CTNNA3: variants seen among roughly 807,000 people sequenced by gnomAD.
CTNNA3 encodes the protein catenin alpha 3, also known as catenin alpha-3.
A neutral mutation model predicts 95.7 loss-of-function variants in CTNNA3; 76 were observed. The observed-to-expected ratio is 0.79, with a 90% confidence interval of 0.66 to 0.96. The LOEUF (loss-of-function observed/expected upper bound fraction) is 0.96, where lower values mean the gene tolerates loss of function less well. Among genes scored for constraint, CTNNA3 ranks in the 40% least tolerant of loss-of-function variants. CTNNA3 has a pLI of 0.00. For missense variants in CTNNA3, 1,191 were observed against 1,089.8 expected, an observed-to-expected ratio of 1.09 and a Z score of -1.31; for synonymous variants, 431 against 374.4, an observed-to-expected ratio of 1.15 and a Z score of -1.74.
chr10:65,929,499 A>T (rs2077217542), intron 17 of CTNNA3, among the ~76,000 whole-genome samples: 1 of 152,108 alleles, frequency 6.6e-6, no homozygotes, highest in Non-Finnish European at 1.5e-5. Flanking sequence ...ATTTAATGTG[A>T]TAACAGCTAA....
intron 4 of CTNNA3, among the ~76,000 whole-genome samples, chr10:67,530,927 C>T (rs948421878): frequency 9.9e-5 from 15 of 152,192 alleles, no homozygotes; most frequent in Admixed American, 9.2e-4. Context: ...GGGCCAATGT[C>T]GAGCTTGGGC....
At chr10:67,193,357 C>G (rs1308269599) in intron 6 of CTNNA3, among the ~76,000 whole-genome samples, 2 of 151,852 alleles carry the variant, frequency 1.3e-5, no homozygotes, top group Non-Finnish European at 2.9e-5. Flanking sequence ...CATAATTTTC[C>G]TAAACCTTTT....
At chr10:67,701,187 T>G, upstream of CTNNA3, among the ~76,000 whole-genome samples, 1 of 152,306 alleles carries the variant, frequency 6.6e-6, no homozygotes, top group South Asian at 2.1e-4. Flanking sequence ...TGGAACCAAG[T>G]TGGAAAACAC....
intron 7 of CTNNA3, among the ~76,000 whole-genome samples, chr10:67,084,417 T>C (rs1857199431): frequency 6.6e-6 from 1 of 152,028 alleles, no homozygotes; most frequent in Non-Finnish European, 1.5e-5. Flanking sequence ...GAATACATTT[T>C]AAAGCTAAAT....
intron 12 of CTNNA3, among the ~76,000 whole-genome samples, chr10:66,374,931 A>T (rs189192008): frequency 1.3e-5 from 2 of 152,152 alleles, no homozygotes. Flanking sequence ...AGCCATTTTT[A>T]TGACAGTATA....
chr10:67,061,067 A>T (rs1240752752), intron 7 of CTNNA3, among the ~76,000 whole-genome samples: 3 of 152,148 alleles, frequency 2.0e-5, no homozygotes, highest in African/African-American at 7.2e-5. Context: ...ATAAAAATTC[A>T]TTAATTCTAT....
chr10:66,432,339 T>C (rs528224126), intron 11 of CTNNA3, among the ~76,000 whole-genome samples: 12 of 150,786 alleles, frequency 8.0e-5, no homozygotes, highest in African/African-American at 3.0e-4. Flanking sequence ...GCGATACGCA[T>C]TTTTTAAAAT....
chr10:67,261,087 G>A (rs1377933015), intron 5 of CTNNA3, among the ~76,000 whole-genome samples: 1 of 152,178 alleles, frequency 6.6e-6, no homozygotes, highest in Non-Finnish European at 1.5e-5. Flanking sequence ...CTGTCTATAA[G>A]TCATCTTGGG....
upstream of CTNNA3, among the ~76,000 whole-genome samples, chr10:67,700,099 T>C (rs1397727328): frequency 6.6e-6 from 1 of 152,190 alleles, no homozygotes; most frequent in Non-Finnish European, 1.5e-5. Context: ...CCAGGCTTGC[T>C]TAGGTAAACA....
chr10:66,836,507 A>G (rs1842892412), intron 7 of CTNNA3, among the ~76,000 whole-genome samples: 1 of 152,134 alleles, frequency 6.6e-6, no homozygotes, highest in Non-Finnish European at 1.5e-5. Context: ...TCGGCAGCAG[A>G]CTGTCCACTA....
intron 5 of CTNNA3, among the ~76,000 whole-genome samples, chr10:67,415,039 C>A (rs1468917755): frequency 6.6e-6 from 1 of 152,178 alleles, no homozygotes; most frequent in Admixed American, 6.5e-5. Context: ...GGCAAACCCA[C>A]AGCCAACATC....
chr10:66,926,285 C>G, intron 7 of CTNNA3: 1 of 508,058 alleles, frequency 2.0e-6, no homozygotes, highest in Admixed American at 3.2e-5. Flanking sequence ...CGCCCCCTCC[C>G]CACCCCCCAA....
chr10:65,982,300 C>T (rs1379712766), intron 16 of CTNNA3, among the ~76,000 whole-genome samples: 1 of 150,958 alleles, frequency 6.6e-6, no homozygotes, highest in Admixed American at 6.6e-5. Context: ...CAACGAGATA[C>T]CACCTTACTC....
intron 11 of CTNNA3, among the ~76,000 whole-genome samples, chr10:66,499,675 C>T (rs144815255): frequency 1.3e-5 from 2 of 152,184 alleles, no homozygotes; most frequent in African/African-American, 4.8e-5. Context: ...AAGGAATTCT[C>T]TGTGACAGTT....
At chr10:66,134,854 A>AAGC (rs2083276327) in intron 13 of CTNNA3, among the ~76,000 whole-genome samples, 1 of 45,742 alleles carries the variant, frequency 2.2e-5, no homozygotes, top group Non-Finnish European at 4.1e-5. Flanking sequence ...TAACAGAGAA[A>AAGC]AACAAAGATT....
intron 5 of CTNNA3, among the ~76,000 whole-genome samples, chr10:67,436,401 C>CA (rs1006293034): frequency 6.6e-5 from 10 of 152,218 alleles, no homozygotes; most frequent in African/African-American, 2.2e-4. Context: ...CCCTTCTAGA[C>CA]ATTGGCTTAG....
chr10:66,592,395 A>G (rs1463648167), intron 10 of CTNNA3, among the ~76,000 whole-genome samples: 1 of 152,152 alleles, frequency 6.6e-6, no homozygotes, highest in Admixed American at 6.5e-5. Context: ...GATAAAATTT[A>G]CCTACTTACC....
At chr10:66,991,485 A>C (rs1245152885) in intron 7 of CTNNA3, among the ~76,000 whole-genome samples, 1 of 152,224 alleles carries the variant, frequency 6.6e-6, no homozygotes, top group African/African-American at 2.4e-5. Flanking sequence ...TTAAAAGGGT[A>C]TATTTAAACA....
At chr10:67,420,574 T>C (rs907917138) in intron 5 of CTNNA3, among the ~76,000 whole-genome samples, 7 of 152,344 alleles carry the variant, frequency 4.6e-5, no homozygotes, top group Admixed American at 6.5e-5. Flanking sequence ...GGCTAATACA[T>C]GTAACACACT....
Sources: allele counts gnomAD v4.1 joint callset (sites outside exome capture counted in the v4.1 genomes callset), GRCh38; gene constraint gnomAD v4.1.1; transcripts MANE v1.5; gene names NCBI Gene and HGNC (gene_info 2026-07-23, HGNC 2026-07-21).